The following SDK1 variants were observed in gnomAD, a reference collection of about 807,000 sequenced individuals.
The protein encoded by SDK1 is sidekick cell adhesion molecule 1.
Under a neutral mutation model 245.5 loss-of-function variants are expected in SDK1, and 157 were observed. The observed-to-expected ratio is 0.64, with a 90% CI of 0.56 to 0.73. The LOEUF (loss-of-function observed/expected upper bound fraction) is 0.73. Among genes scored for constraint, SDK1 ranks in the 30% least tolerant of loss-of-function variants. SDK1 has a pLI of 0.00. For synonymous variants in SDK1, 1,647 were observed against 1,278.5 expected, an observed-to-expected ratio of 1.29 and a Z score of -6.15; for missense variants, 3,583 against 3,002.3, an observed-to-expected ratio of 1.19 and a Z score of -4.52.
chr7:3,498,332 A>T (rs868836374), intron 1 of SDK1, among the ~76,000 whole-genome samples: 2 of 152,334 alleles, frequency 1.3e-5, no homozygotes, highest in Middle Eastern at 6.8e-3. Flanking sequence ...GACTTCAAAA[A>T]GTTTAGAAAC....
At chr7:3,322,055 A>G (rs1412766478) in intron 1 of SDK1, among the ~76,000 whole-genome samples, 2 of 146,424 alleles carry the variant, frequency 1.4e-5, no homozygotes, top group Admixed American at 6.8e-5. Flanking sequence ...CGAGTGAACT[A>G]TTTTAAAGTG....
intron 14 of SDK1, among the ~76,000 whole-genome samples, chr7:4,003,913 A>G (rs1188572686): frequency 6.6e-6 from 1 of 152,180 alleles, no homozygotes; most frequent in East Asian, 1.9e-4. Context: ...AGACAAGCTC[A>G]TCTTCTCCTT....
At chr7:3,585,975 A>G (rs950347001) in intron 1 of SDK1, among the ~76,000 whole-genome samples, 2 of 152,168 alleles carry the variant, frequency 1.3e-5, no homozygotes, top group Non-Finnish European at 2.9e-5. Flanking sequence ...GCAAAACACT[A>G]ATCAGCTTTC....
rs569333074 is a variant in SDK1 at position 3,960,376 on chromosome 7, C to G, written c.1234+1362C>G. Among the ~76,000 whole-genome samples, 224 of 152,388 alleles carry G rather than the reference C, an allele frequency of 1.5e-3. 1 individual carries two copies. The highest frequency in any genetic ancestry group is 5.3e-3 in the African/African-American group (219 of 41,600). On this transcript the variant is annotated intron_variant, in intron 8 of 44. Transcript: ENST00000404826. The stretch of plus-strand genomic sequence containing the variant: ...CAGCCACCAAAGCAGCCACCTGGCT[C>G]TTGCCAGAACACTAGCTTCCCCCAG...
At chr7:3,578,639 C>A (rs145485595) in intron 1 of SDK1, among the ~76,000 whole-genome samples, 152 of 151,958 alleles carry the variant, frequency 1.0e-3, no homozygotes, top group African/African-American at 3.5e-3. Flanking sequence ...GAATGCAATT[C>A]TTATCTTAGG....
chr7:3,757,589 G>A (rs1461070160), intron 4 of SDK1, among the ~76,000 whole-genome samples: 1 of 152,092 alleles, frequency 6.6e-6, no homozygotes, highest in Non-Finnish European at 1.5e-5. Context: ...TACAACTCAG[G>A]AATAGCGAAA....
intron 20 of SDK1, among the ~76,000 whole-genome samples, chr7:4,071,850 G>A (rs887777516): frequency 4.6e-5 from 7 of 152,148 alleles, no homozygotes; most frequent in South Asian, 2.1e-4. Context: ...GTCTGCAGTC[G>A]GCCATGTTTT....
intron 1 of SDK1, among the ~76,000 whole-genome samples, chr7:3,585,344 G>A (rs1780649830): frequency 6.6e-6 from 1 of 152,208 alleles, no homozygotes; most frequent in African/African-American, 2.4e-5. Context: ...AAGTGAATCA[G>A]AACTTGTAAT....
In SDK1 at chr7:4,072,836, A is replaced by AC. The variant is rs1204494587; in HGVS notation, c.3011-4157dup. On this transcript the variant is annotated intron_variant, in intron 20 of 44. Transcript: ENST00000404826. ...TTATTAGCCCTGGTCTGTGGTGAGC[A>AC]CCCCCAGCTTCCATTTTAATTCGAG... is the stretch of plus-strand genomic sequence containing the variant. Among the ~76,000 whole-genome samples, 19 of 152,224 alleles carry AC rather than the reference A, an allele frequency of 1.2e-4. 1 individual carries two copies. Among genetic ancestry groups the AC allele is most frequent in the Non-Finnish European group, 1.5e-5 (1 of 68,018 alleles).
Position 4,233,422 on chromosome 7 carries a change from A to G in SDK1, c.5992+3A>G. 6.2e-7 allele frequency: 1 copy of G among 1,610,290 alleles called. No homozygotes were observed. Among genetic ancestry groups the G allele is most frequent in the South Asian group, 1.1e-5 (1 of 91,036 alleles). On this transcript the variant is annotated splice_donor_region_variant and intron_variant, in intron 41 of 44. Transcript: ENST00000404826. Reference sequence around the variant, plus strand: ...CAACCCCTCCACGGCTGTGTCAGGTAGGCCCTCCCAGGGAGGTCTGTCTTC... The same window carrying G: ...CAACCCCTCCACGGCTGTGTCAGGTGGGCCCTCCCAGGGAGGTCTGTCTTC...
At chr7:3,486,053 C>G (rs1415404311) in intron 1 of SDK1, among the ~76,000 whole-genome samples, 2 of 151,904 alleles carry the variant, frequency 1.3e-5, no homozygotes, top group Non-Finnish European at 2.9e-5. Flanking sequence ...CTGAAAAACT[C>G]TTCATTAAAA....
At chr7:3,681,888 G>C (rs1199253952) in intron 4 of SDK1, among the ~76,000 whole-genome samples, 1 of 152,054 alleles carries the variant, frequency 6.6e-6, no homozygotes, top group East Asian at 1.9e-4. Flanking sequence ...AGAATTCTGA[G>C]TTTTTATTTT....
chr7:4,019,759 C>T (rs946903431), intron 17 of SDK1, among the ~76,000 whole-genome samples: 2 of 152,124 alleles, frequency 1.3e-5, no homozygotes, highest in African/African-American at 4.8e-5. Context: ...CCTCATGGGT[C>T]TCGGAGGGCC....
chr7:4,234,934 T>C (rs1270046743), intron 41 of SDK1, among the ~76,000 whole-genome samples: 3 of 152,174 alleles, frequency 2.0e-5, no homozygotes, highest in Admixed American at 1.3e-4. Context: ...CTTCCTGGGA[T>C]TAGGAAGAAG....
chr7:3,319,878 C>CTTT lies in SDK1; in HGVS notation c.298+18009_298+18011dup, dbSNP rs57770805. ...TGCCTATATCTAACCCATTCTTAGTCTTTTTTTTTTTTTTTTTGCATTTGC... is the reference window on the plus strand; with the variant it reads ...TGCCTATATCTAACCCATTCTTAGTCTTTTTTTTTTTTTTTTTTTTGCATTTGC... On this transcript the variant is annotated intron_variant, in intron 1 of 44. Transcript: ENST00000404826. Among the ~76,000 whole-genome samples the CTTT allele has an allele frequency of 2.8e-3, 246 of 88,128 alleles. 22 individuals are homozygous for CTTT. Among genetic ancestry groups the CTTT allele is most frequent in the African/African-American group, 0.011 (231 of 21,734 alleles). 57.8% of individuals were successfully genotyped at this position (88,128 alleles called of 152,430 possible). A position where few individuals can be genotyped will look rare whatever the true frequency, so the allele number is the denominator to read the frequency against.
intron 1 of SDK1, among the ~76,000 whole-genome samples, chr7:3,367,950 T>C (rs1333657616): frequency 6.6e-6 from 1 of 152,224 alleles, no homozygotes; most frequent in Non-Finnish European, 1.5e-5. Flanking sequence ...TATTGCATGT[T>C]GATGGAGCTT....
At chr7:3,679,509 G>A (rs796996387) in intron 4 of SDK1, among the ~76,000 whole-genome samples, 73 of 152,310 alleles carry the variant, frequency 4.8e-4, no homozygotes, top group African/African-American at 1.7e-3. Flanking sequence ...GGAGCTTGCA[G>A]TGAGCCGAGA....
chr7:3,588,887 C>T (rs572494179), intron 1 of SDK1, among the ~76,000 whole-genome samples: 1 of 152,176 alleles, frequency 6.6e-6, no homozygotes, highest in Non-Finnish European at 1.5e-5. Flanking sequence ...TCTTCATAGT[C>T]ATTTTTATGT....
intron 1 of SDK1, among the ~76,000 whole-genome samples, chr7:3,429,744 G>C (rs1039276586): frequency 1.3e-5 from 2 of 151,606 alleles, no homozygotes; most frequent in African/African-American, 2.4e-5. Context: ...TTACAGGTGT[G>C]GGACACCATG....
Sources: allele counts gnomAD v4.1 joint callset (sites outside exome capture counted in the v4.1 genomes callset), GRCh38; gene constraint gnomAD v4.1.1; transcripts MANE v1.5; gene names NCBI Gene and HGNC (gene_info 2026-07-23, HGNC 2026-07-21).